The following NTAQ1 variants were observed in gnomAD, a reference collection of about 807,000 sequenced individuals.
NTAQ1 encodes protein N-terminal glutamine amidohydrolase.
Under a neutral mutation model 28.2 loss-of-function variants are expected in NTAQ1, and 21 were observed. The ratio of observed to expected loss-of-function variants is 0.74; its 90% confidence interval spans 0.53 to 1.07. The LOEUF (loss-of-function observed/expected upper bound fraction) is 1.07. Ranked by LOEUF, NTAQ1 falls within the 50% of genes least tolerant of loss-of-function variation. NTAQ1 has a pLI of 0.00. For missense variants in NTAQ1, 264 were observed against 256.6 expected (o/e 1.03, Z -0.20); for synonymous variants, 105 against 90.0 (o/e 1.17, Z -0.94).
intron 6 of NTAQ1, among the ~76,000 whole-genome samples, chr8:123,463,840 A>G (rs1055109301): frequency 1.3e-5 from 2 of 152,086 alleles, no homozygotes; most frequent in African/African-American, 4.8e-5. Context: ...TTGTGTCCCC[A>G]CCCAAATCTC....
intron 5 of NTAQ1, among the ~76,000 whole-genome samples, chr8:123,439,547 C>T (rs13265065): frequency 0.36 from 54,806 of 151,494 alleles, 10,016 homozygotes; most frequent in East Asian, 0.56. Flanking sequence ...GGGGTCTTAC[C>T]GTGTTAGCCA....
At chr8:123,417,258 C>G (rs1351566871) in intron 1 of NTAQ1, among the ~76,000 whole-genome samples, 2 of 152,198 alleles carry the variant, frequency 1.3e-5, no homozygotes, top group Admixed American at 6.5e-5. Flanking sequence ...GGGGGTTACT[C>G]TGCTGAAGCC....
chr8:123,438,245 A>G, intron 5 of NTAQ1: 1 of 697,832 alleles, frequency 1.4e-6, no homozygotes, highest in Non-Finnish European at 2.6e-6. Context: ...GTTTGTAAGT[A>G]ATTCACAACA....
intron 3 of NTAQ1, chr8:123,435,615 C>T: frequency 1.2e-6 from 1 of 844,346 alleles, no homozygotes. Context: ...ACCTGTAATT[C>T]CAGGACTTTG....
chr8:123,439,950 T>C (rs1814950207), intron 5 of NTAQ1, among the ~76,000 whole-genome samples: 1 of 151,496 alleles, frequency 6.6e-6, no homozygotes, highest in Non-Finnish European at 1.5e-5. Flanking sequence ...GGAGACTCTG[T>C]CTCAAAAAAA....
intron 3 of NTAQ1, 35 bp from the exon 4 acceptor site, chr8:123,436,418 G>T (rs756760179): frequency 1.2e-6 from 2 of 1,604,328 alleles, no homozygotes; most frequent in Non-Finnish European, 1.7e-6. Flanking sequence ...TCATTATGAA[G>T]TAACTTGGTT....
rs557835821 is a variant in NTAQ1, at chr8:123,465,444, C to T, written c.373-1635C>T. ...AAAGCTTTGTAGTCAGGCCCTCCTG[C>T]CAACCCTAACCCCTGGCGACCACTC... On this transcript the variant is annotated intron_variant, in intron 6 of 6. Coordinates refer to the NTAQ1 transcript ENST00000650311. 3.9e-5 allele frequency among the ~76,000 whole-genome samples: 6 copies of T among 152,256 alleles called. No homozygotes were observed. The East Asian group carries it at 1.2e-3, about 29-fold the overall frequency.
chr8:123,431,809 G>A (rs933465843), intron 3 of NTAQ1, among the ~76,000 whole-genome samples: 1 of 152,200 alleles, frequency 6.6e-6, no homozygotes, highest in South Asian at 2.1e-4. Flanking sequence ...CATCTTCCTG[G>A]TGTCTGCTAC....
rs1814165680 is a variant in NTAQ1 at position 123,427,983 on chromosome 8, A to T, written c.143A>T (p.Glu48Val). 1 of 1,611,770 alleles carries T rather than the reference A, an allele frequency of 6.2e-7. No homozygotes were observed. Among genetic ancestry groups the T allele is most frequent in the Non-Finnish European group, 8.5e-7 (1 of 1,179,356 alleles). ...AAAAACCATGACCAGTATCCTTTAG[A>T]AGAATGTTATGCTGTCTTCATATCT... is the stretch of plus-strand genomic sequence containing the variant. ...YIKNHDQYPL[E>V]ECYAVFISNE... The change falls in exon 2 of 6, where the codon GAA (glutamate) becomes GTA (valine). Residue 48 changes from glutamate (E) to valine (V), a missense_variant. Physicochemically the swap from Glu to Val is moderately radical, Grantham distance 121. Transcript: ENST00000287387.
chr8:123,439,417 A>C (rs1384430960), intron 5 of NTAQ1, among the ~76,000 whole-genome samples: 2 of 149,090 alleles, frequency 1.3e-5, no homozygotes, highest in Non-Finnish European at 3.0e-5. Context: ...ATGTCAGCTC[A>C]CTGCAAGCTC....
In NTAQ1 at chr8:123,441,457, A is replaced by G. The variant is rs1815065947; in HGVS notation, c.*42A>G. The G allele has an allele frequency of 2.0e-6, 3 of 1,470,926 alleles. No homozygotes were observed. The highest frequency in any genetic ancestry group is 1.7e-5 in the Admixed American group (1 of 58,882). The allele number at this position is 1,470,926 out of a possible 1,614,324, so 91.1% of individuals were successfully genotyped here. ...TGGAACTGTGGAGAAATTCTAGGAC[A>G]TGAACAAGCTATCCTTTCATCGAGG... On this transcript the variant is annotated 3_prime_UTR_variant, in exon 6 of 6. Transcript: ENST00000287387.
At chr8:123,464,437 T>A (rs1396517921) in intron 6 of NTAQ1, among the ~76,000 whole-genome samples, 2 of 152,092 alleles carry the variant, frequency 1.3e-5, no homozygotes, top group African/African-American at 2.4e-5. Context: ...GCCCTCAGAC[T>A]GAATACACGA....
At position 123,461,562 on chromosome 8, in the gene NTAQ1, T is replaced by G. The variant is rs1195461192; in HGVS notation, c.373-5517T>G. Among the ~76,000 whole-genome samples, 3 of 152,326 alleles carry G rather than the reference T, an allele frequency of 2.0e-5. No homozygotes were observed. In the East Asian group the frequency reaches 5.8e-4, roughly 29 times the overall value. ...TCCTTAGCCCCAGCCTGGTGTTGTC[T>G]TCTGCTCTACCATGCTTAGTATCTG... On this transcript the variant is annotated intron_variant, in intron 6 of 6. Transcript: ENST00000650311.
intron 3 of NTAQ1, among the ~76,000 whole-genome samples, chr8:123,433,531 T>G (rs940681674): frequency 6.6e-6 from 1 of 152,180 alleles, no homozygotes; most frequent in African/African-American, 2.4e-5. Context: ...CAGTGCAACC[T>G]CTGTCTCCTG....
At chr8:123,428,283 A>G (rs541903427) in intron 2 of NTAQ1, among the ~76,000 whole-genome samples, 219 of 151,778 alleles carry the variant, frequency 1.4e-3, no homozygotes, top group Non-Finnish European at 2.8e-3. Context: ...TGCAACCTCC[A>G]CCTCCCGGGT....
exon 7 of NTAQ1, among the ~76,000 whole-genome samples, chr8:123,469,399 A>C (rs1816020325): frequency 6.6e-6 from 1 of 152,382 alleles, no homozygotes; most frequent in African/African-American, 2.4e-5. Flanking sequence ...ACAAGAGACT[A>C]GGCTGGTTAT....
At chr8:123,438,798 A>G (rs1212425306) in intron 5 of NTAQ1, among the ~76,000 whole-genome samples, 1 of 152,188 alleles carries the variant, frequency 6.6e-6, no homozygotes, top group Admixed American at 6.5e-5. Context: ...TCTCTATGAA[A>G]AGCTCTCATA....
At chr8:123,444,597 CCCGGGTTCA>C, downstream of NTAQ1, among the ~76,000 whole-genome samples, 1 of 152,138 alleles carries the variant, frequency 6.6e-6, no homozygotes, top group Non-Finnish European at 1.5e-5. Flanking sequence ...AGCTCTGCCT[CCCGGGTTCA>C]CGCCATTCTC....
chr8:123,436,682 A>T (rs1814737303), intron 4 of NTAQ1, 81 bp downstream of exon 4: 1 of 1,478,682 alleles, frequency 6.8e-7, no homozygotes. Context: ...TTTTTTTGAC[A>T]ATTGTTTTGT....
Sources: gnomAD v4.1 joint callset for allele counts (sites outside exome capture counted in the v4.1 genomes callset) on GRCh38, gnomAD v4.1.1 for gene constraint, MANE v1.5 for transcripts, NCBI Gene and HGNC (gene_info 2026-07-23, HGNC 2026-07-21) for gene names.